KCNH1: variants seen among roughly 807,000 people sequenced by gnomAD.
KCNH1 encodes the protein voltage-gated delayed rectifier potassium channel KCNH1.
In KCNH1, 27 loss-of-function variants were observed where a neutral mutation model predicts 69.2. That is an observed-to-expected ratio of 0.39 (90% confidence interval 0.29 to 0.54). The LOEUF (loss-of-function observed/expected upper bound fraction) is 0.54. Among genes scored for constraint, KCNH1 ranks in the 20% least tolerant of loss-of-function variants. KCNH1 has a pLI of 0.68. For synonymous variants in KCNH1, 456 were observed against 487.7 expected (o/e 0.93, Z 0.86); for missense variants, 798 against 1,261.6 (o/e 0.63, Z 5.57).
At chr1:210,942,090 A>C (rs1437357309) in intron 6 of KCNH1, among the ~76,000 whole-genome samples, 1 of 152,232 alleles carries the variant, frequency 6.6e-6, no homozygotes, top group Non-Finnish European at 1.5e-5. Flanking sequence ...CTTCTTTAAA[A>C]GGCTTCCAGT....
chr1:210,801,679 G>A (rs1558475577), intron 8 of KCNH1, among the ~76,000 whole-genome samples: 1 of 152,220 alleles, frequency 6.6e-6, no homozygotes, highest in East Asian at 1.9e-4. Context: ...AGGCATCCTG[G>A]TGCCTGGGAA....
At chr1:210,986,111 C>T (rs1456532394) in intron 6 of KCNH1, among the ~76,000 whole-genome samples, 1 of 152,158 alleles carries the variant, frequency 6.6e-6, no homozygotes, top group Non-Finnish European at 1.5e-5. Context: ...GCAACCCCTG[C>T]CTTTTTTTGT....
At chr1:210,817,869 T>C (rs1056338113) in intron 7 of KCNH1, among the ~76,000 whole-genome samples, 1 of 152,168 alleles carries the variant, frequency 6.6e-6, no homozygotes, top group Non-Finnish European at 1.5e-5. Context: ...GCATTGACAT[T>C]TGTGGCCAAT....
intron 9 of KCNH1, among the ~76,000 whole-genome samples, chr1:210,790,720 T>C (rs11590070): frequency 0.052 from 7,856 of 152,328 alleles, 296 homozygotes; most frequent in Middle Eastern, 0.099. Flanking sequence ...GCCTGCATCT[T>C]AACACTCCTT....
chr1:210,973,277 A>T lies in KCNH1; in HGVS notation c.1032+45506T>A, dbSNP rs866681056. Among the ~76,000 whole-genome samples the T allele has an allele frequency of 2.0e-5, 3 of 152,268 alleles. No individual in the cohort carries two copies. The South Asian group carries it at 6.2e-4, about 32-fold the overall frequency. On this transcript the variant is annotated intron_variant, in intron 6 of 10. Coordinates refer to ENST00000271751, the MANE Select transcript of KCNH1 (RefSeq NM_172362.3). Reference sequence around the variant, plus strand: ...GCTCAATAATGTAACAAAATATGAGATCGATCACCTTCTAAGCATATACAG... The same window carrying T: ...GCTCAATAATGTAACAAAATATGAGTTCGATCACCTTCTAAGCATATACAG...
chr1:211,069,315 G>A (rs1690591793), intron 5 of KCNH1, among the ~76,000 whole-genome samples: 1 of 125,634 alleles, frequency 8.0e-6, no homozygotes, highest in Non-Finnish European at 1.5e-5. Context: ...ATTACTAAAT[G>A]CCCTATTTAC....
At chr1:210,988,099 C>A (rs990213951) in intron 6 of KCNH1, among the ~76,000 whole-genome samples, 2 of 152,202 alleles carry the variant, frequency 1.3e-5, no homozygotes, top group East Asian at 3.9e-4. Context: ...AGGATATAAT[C>A]TCCTGATGTG....
At chr1:210,943,131 G>A (rs1339227449) in intron 6 of KCNH1, among the ~76,000 whole-genome samples, 2 of 152,112 alleles carry the variant, frequency 1.3e-5, no homozygotes, top group African/African-American at 4.8e-5. Context: ...GTAATGAACT[G>A]TTGGACAAGC....
intron 10 of KCNH1, among the ~76,000 whole-genome samples, chr1:210,709,300 G>A (rs1455468634): frequency 6.6e-6 from 1 of 152,234 alleles, no homozygotes; most frequent in East Asian, 1.9e-4. Context: ...ACACGGATGT[G>A]TTGATGAAGG....
intron 6 of KCNH1, among the ~76,000 whole-genome samples, chr1:210,921,315 T>C (rs768283085): frequency 6.6e-6 from 1 of 152,212 alleles, no homozygotes; most frequent in Non-Finnish European, 1.5e-5. Context: ...AAAACAGACA[T>C]TTCTTCGAAT....
intron 5 of KCNH1, among the ~76,000 whole-genome samples, chr1:211,050,168 C>A (rs1336766510): frequency 6.7e-6 from 1 of 148,418 alleles, no homozygotes; most frequent in Non-Finnish European, 1.5e-5. Context: ...GTGTTTCTTT[C>A]CATTCCATAG....
At chr1:211,050,080 A>G (rs1690169283) in intron 5 of KCNH1, among the ~76,000 whole-genome samples, 1 of 151,964 alleles carries the variant, frequency 6.6e-6, no homozygotes, top group South Asian at 2.1e-4. Flanking sequence ...CTGCCTGAAC[A>G]TCTCCCTCTG....
intron 5 of KCNH1, among the ~76,000 whole-genome samples, chr1:211,079,476 C>G (rs1282757296): frequency 1.3e-5 from 2 of 152,200 alleles, no homozygotes; most frequent in Non-Finnish European, 2.9e-5. Flanking sequence ...ACGAGGCCAG[C>G]ATCATCCTGA....
At chr1:210,701,933 A>G (rs558696127) in intron 10 of KCNH1, among the ~76,000 whole-genome samples, 1 of 152,268 alleles carries the variant, frequency 6.6e-6, no homozygotes, top group Admixed American at 6.5e-5. Context: ...TTCAGGAAAA[A>G]ACATGCCCCA....
chr1:210,796,837 C>G (rs1165008030), intron 9 of KCNH1, among the ~76,000 whole-genome samples: 1 of 152,142 alleles, frequency 6.6e-6, no homozygotes, highest in Non-Finnish European at 1.5e-5. Flanking sequence ...TCAATCCACT[C>G]CCCAAGCTGC....
intron 7 of KCNH1, among the ~76,000 whole-genome samples, chr1:210,896,433 C>T (rs1686868605): frequency 1.3e-5 from 2 of 152,138 alleles, no homozygotes; most frequent in Admixed American, 6.5e-5. Context: ...ATAGACGTAA[C>T]ATCAAAGAAT....
At chr1:211,060,572 C>T (rs1690417739) in intron 5 of KCNH1, among the ~76,000 whole-genome samples, 1 of 149,656 alleles carries the variant, frequency 6.7e-6, no homozygotes, top group African/African-American at 2.5e-5. Context: ...AAAAAATCAA[C>T]AGAACTTTAG....
intron 6 of KCNH1, among the ~76,000 whole-genome samples, chr1:210,953,927 T>C (rs1290882471): frequency 6.6e-6 from 1 of 152,200 alleles, no homozygotes; most frequent in African/African-American, 2.4e-5. Context: ...CTTTCGGTTC[T>C]AGGGTACATG....
rs7554709 is a variant in KCNH1, at chr1:211,059,600, G to A, written c.558+23180C>T. ...TACTAAAAAATATAAAAAATTAGCC[G>A]GACGTGGTGGTGGGCACCTGTAGTC... On this transcript the variant is annotated intron_variant, in intron 5 of 10. Coordinates refer to ENST00000271751, the MANE Select transcript of KCNH1 (RefSeq NM_172362.3). Among the ~76,000 whole-genome samples, 625 of 151,792 alleles carry A rather than the reference G, an allele frequency of 4.1e-3. 4 individuals are homozygous for A. Among genetic ancestry groups the A allele is most frequent in the African/African-American group, 0.014 (582 of 41,388 alleles).
Sources: gnomAD v4.1 joint callset for allele counts (sites outside exome capture counted in the v4.1 genomes callset) on GRCh38, gnomAD v4.1.1 for gene constraint, MANE v1.5 for transcripts, NCBI Gene and HGNC (gene_info 2026-07-23, HGNC 2026-07-21) for gene names.